KCNN3: variants seen among roughly 807,000 people sequenced by gnomAD.
KCNN3 encodes potassium calcium-activated channel subfamily N member 3, also known as small conductance calcium-activated potassium channel protein 3.
In KCNN3, 16 loss-of-function variants were observed where a neutral mutation model predicts 62.9. That is an observed-to-expected ratio of 0.25 (90% CI 0.17 to 0.39). The LOEUF (loss-of-function observed/expected upper bound fraction) is 0.39. Among genes scored for constraint, KCNN3 ranks in the 10% least tolerant of loss-of-function variants. KCNN3 has a pLI of 1.00. For missense variants in KCNN3, 599 were observed against 949.4 expected, an observed-to-expected ratio of 0.63 and a Z score of 4.85; for synonymous variants, 370 against 389.2, an observed-to-expected ratio of 0.95 and a Z score of 0.58.
chr1:154,711,876 G>A (rs1268616623), intron 7 of KCNN3, among the ~76,000 whole-genome samples: 1 of 152,080 alleles, frequency 6.6e-6, no homozygotes, highest in East Asian at 1.9e-4. Context: ...GGGGACAGGA[G>A]GCAGAGAGGG....
At chr1:154,722,441 G>A (rs1315878358) in intron 5 of KCNN3, among the ~76,000 whole-genome samples, 2 of 146,848 alleles carry the variant, frequency 1.4e-5, no homozygotes, top group African/African-American at 2.5e-5. Context: ...AGGCTGGAGT[G>A]CAGTGGCACG....
intron 1 of KCNN3, among the ~76,000 whole-genome samples, chr1:154,854,667 TG>T (rs766371281): frequency 2.0e-5 from 3 of 152,270 alleles, no homozygotes; most frequent in Admixed American, 6.5e-5. Context: ...GTCAAGGTCC[TG>T]TACAATTATA....
chr1:154,747,428 C>T (rs540547918), intron 3 of KCNN3, among the ~76,000 whole-genome samples: 16 of 152,270 alleles, frequency 1.1e-4, no homozygotes, highest in African/African-American at 3.9e-4. Context: ...CTCTGCACAG[C>T]GACACACTGG....
intron 3 of KCNN3, among the ~76,000 whole-genome samples, chr1:154,770,371 T>C (rs763188856): frequency 6.6e-6 from 1 of 152,236 alleles, no homozygotes; most frequent in Non-Finnish European, 1.5e-5. Context: ...GCAAACAGAA[T>C]GTCTCAAAAA....
intron 1 of KCNN3, among the ~76,000 whole-genome samples, chr1:154,837,364 C>T (rs1049571501): frequency 6.6e-6 from 1 of 152,012 alleles, no homozygotes; most frequent in Non-Finnish European, 1.5e-5. Context: ...AGGATGGTCT[C>T]GATCTCCTGA....
At chr1:154,733,172 G>A (rs374564998) in intron 3 of KCNN3, 28 bp from the exon 4 acceptor site, 134 of 1,613,550 alleles carry the variant, frequency 8.3e-5, no homozygotes, top group Non-Finnish European at 4.7e-5. Context: ...GGAGTTAGTC[G>A]ATGAACAGCC....
chr1:154,821,669 A>G (rs1397888409), intron 2 of KCNN3, among the ~76,000 whole-genome samples: 2 of 152,208 alleles, frequency 1.3e-5, no homozygotes, highest in Non-Finnish European at 2.9e-5. Flanking sequence ...TTGGTGCAGC[A>G]TATGTGGGGG....
chr1:154,776,621 G>A lies in KCNN3; in HGVS notation c.1030-4228C>T, dbSNP rs186343787. On this transcript the variant is annotated intron_variant, in intron 2 of 7. Transcript: ENST00000271915. Reference sequence around the variant, plus strand: ...ATCACAGCTCTCCAAGTGTGGCCTCGCTCCCTCCCGATTCAGAGCAAGTAG... The same window carrying A: ...ATCACAGCTCTCCAAGTGTGGCCTCACTCCCTCCCGATTCAGAGCAAGTAG... 3.3e-5 allele frequency among the ~76,000 whole-genome samples: 5 copies of A among 152,190 alleles called. No homozygotes were observed. The South Asian group carries it at 6.2e-4, about 19-fold the overall frequency.
chr1:154,805,524 T>C (rs1650136202), intron 2 of KCNN3, among the ~76,000 whole-genome samples: 1 of 152,236 alleles, frequency 6.6e-6, no homozygotes, highest in Non-Finnish European at 1.5e-5. Context: ...TTCACCAGTC[T>C]CTTCTCTGCA....
intron 2 of KCNN3, among the ~76,000 whole-genome samples, chr1:154,812,580 T>G (rs770917128): frequency 6.6e-6 from 1 of 152,208 alleles, no homozygotes; most frequent in Non-Finnish European, 1.5e-5. Flanking sequence ...GCTGAGCACT[T>G]GTTCCCCATG....
At chr1:154,850,809 G>A (rs1438251168) in intron 1 of KCNN3, among the ~76,000 whole-genome samples, 1 of 152,176 alleles carries the variant, frequency 6.6e-6, no homozygotes, top group African/African-American at 2.4e-5. Context: ...GCCACACTGG[G>A]GGAGCTTCTG....
At chr1:154,838,651 G>A (rs11264274) in intron 1 of KCNN3, among the ~76,000 whole-genome samples, 1 of 151,862 alleles carries the variant, frequency 6.6e-6, no homozygotes, top group Non-Finnish European at 1.5e-5. Flanking sequence ...CTCCGTTCTC[G>A]CCACTCCCAC....
chr1:154,725,356 G>T (rs1700438894), intron 5 of KCNN3, among the ~76,000 whole-genome samples: 1 of 152,086 alleles, frequency 6.6e-6, no homozygotes, highest in Admixed American at 6.5e-5. Flanking sequence ...TTATACCATT[G>T]TAGGCTATTA....
rs1199363964 is a variant in KCNN3 at position 154,698,447 on chromosome 1, C to T, written c.*9529G>A. 6.6e-6 allele frequency: 1 copy of T among 152,204 alleles called. No individual in the cohort carries two copies. The highest frequency in any genetic ancestry group is 2.4e-5 in the African/African-American group (1 of 41,426). The allele number at this position is 152,204 out of a possible 1,614,324, so 9.4% of individuals were successfully genotyped here. ...AGGGCATGACCTCTCTGACTTGGCCCTGCCTATTATGAAAGTGTCACCATG... is the reference window on the plus strand; with the variant it reads ...AGGGCATGACCTCTCTGACTTGGCCTTGCCTATTATGAAAGTGTCACCATG... On this transcript the variant is annotated 3_prime_UTR_variant, in exon 8 of 8. Coordinates refer to ENST00000271915, the MANE Select transcript of KCNN3 (RefSeq NM_002249.6).
rs375201598 is a variant in KCNN3, at chr1:154,722,346, G to C, written c.1701+3570C>G. 2.7e-5 allele frequency among the ~76,000 whole-genome samples: 4 copies of C among 150,624 alleles called. No homozygotes were observed. In the East Asian group the frequency reaches 5.8e-4, roughly 22 times the overall value. Reference sequence around the variant, plus strand: ...ACTCCTTCATGTTGGATCTTTCTCTGAGAATTCACTGAGATGTTATGAATA... The same window carrying C: ...ACTCCTTCATGTTGGATCTTTCTCTCAGAATTCACTGAGATGTTATGAATA... On this transcript the variant is annotated intron_variant, in intron 5 of 7. Transcript: ENST00000271915.
Position 154,826,793 on chromosome 1 carries a change from G to C in KCNN3, c.934-4609C>G, listed in dbSNP as rs186405483. 7.9e-3 allele frequency among the ~76,000 whole-genome samples: 1,209 copies of C among 152,338 alleles called. 8 individuals carry two copies. The highest frequency in any genetic ancestry group is 0.017 in the Middle Eastern group (5 of 294). ...TATGGTATATCTTCCCAGAGACTTTGAAGTTCTAAATGTATTTTATTGTTT... is the reference window on the plus strand; with the variant it reads ...TATGGTATATCTTCCCAGAGACTTTCAAGTTCTAAATGTATTTTATTGTTT... On this transcript the variant is annotated intron_variant, in intron 1 of 7. Coordinates refer to ENST00000271915, the MANE Select transcript of KCNN3 (RefSeq NM_002249.6).
At chr1:154,807,750 G>T (rs1650241061) in intron 2 of KCNN3, among the ~76,000 whole-genome samples, 1 of 152,212 alleles carries the variant, frequency 6.6e-6, no homozygotes, top group Admixed American at 6.5e-5. Context: ...ATCCGACAGA[G>T]CAAGACAAAC....
intron 1 of KCNN3, among the ~76,000 whole-genome samples, chr1:154,835,408 C>T (rs1651547690): frequency 6.6e-6 from 1 of 152,222 alleles, no homozygotes; most frequent in Admixed American, 6.5e-5. Context: ...CCCTTCCCGC[C>T]CTCTGCCCCC....
chr1:154,719,392 C>T (rs564010919), intron 5 of KCNN3, among the ~76,000 whole-genome samples: 3 of 152,318 alleles, frequency 2.0e-5, no homozygotes, highest in African/African-American at 7.2e-5. Context: ...CAGCCTACTA[C>T]ACACCTAGGC....
Sources: gnomAD v4.1 joint callset for allele counts (sites outside exome capture counted in the v4.1 genomes callset) on GRCh38, gnomAD v4.1.1 for gene constraint, MANE v1.5 for transcripts, NCBI Gene and HGNC (gene_info 2026-07-23, HGNC 2026-07-21) for gene names.